Variants in PARD3 observed in about 807,000 individuals in gnomAD.
The protein encoded by PARD3 is partitioning defective 3 homolog.
Under a neutral mutation model 155.4 loss-of-function variants are expected in PARD3, and 75 were observed. That is an observed-to-expected ratio of 0.48 (90% CI 0.40 to 0.58). The LOEUF is 0.58. Among genes scored for constraint, PARD3 ranks in the 20% least tolerant of loss-of-function variants. The pLI is 0.00. For synonymous variants in PARD3, 576 were observed against 610.5 expected, an observed-to-expected ratio of 0.94 and a Z score of 0.83; for missense variants, 1,642 against 1,721.7, an observed-to-expected ratio of 0.95 and a Z score of 0.82.
At chr10:34,552,646 G>T (rs17601328) in intron 2 of PARD3, among the ~76,000 whole-genome samples, 1 of 152,016 alleles carries the variant, frequency 6.6e-6, no homozygotes, top group African/African-American at 2.4e-5. Context: ...CCCAGGAAGC[G>T]GAGGTTACAG....
rs748059893 is a variant in PARD3 at position 34,450,453 on chromosome 10, T to C, written c.583-5A>G. 4.4e-6 allele frequency: 7 copies of C among 1,601,754 alleles called. No individual in the cohort carries two copies. Among genetic ancestry groups the C allele is most frequent in the African/African-American group, 1.3e-5 (1 of 74,126 alleles). ...GCTTCTGTAGTTTTCATCTTTCTAT[T>C]CAAAAAGAAACAAAAAGGTGTCTTG... On this transcript the variant is annotated splice_polypyrimidine_tract_variant and splice_region_variant and intron_variant, in intron 4 of 24. Coordinates refer to ENST00000374788, the MANE Select transcript of PARD3 (RefSeq NM_001184785.2).
chr10:34,166,506 T>C (rs1245016705), intron 22 of PARD3, among the ~76,000 whole-genome samples: 1 of 151,916 alleles, frequency 6.6e-6, no homozygotes, highest in Non-Finnish European at 1.5e-5. Context: ...TAGTCCCAAC[T>C]ACTCAGGAGG....
intron 19 of PARD3, among the ~76,000 whole-genome samples, chr10:34,327,147 G>A (rs776489902): frequency 7.9e-5 from 12 of 152,142 alleles, no homozygotes; most frequent in Non-Finnish European, 1.3e-4. Context: ...AGGAGAAGTC[G>A]CTTGCTGAGA....
chr10:34,360,635 A>C (rs1839353190), intron 12 of PARD3, among the ~76,000 whole-genome samples: 1 of 152,186 alleles, frequency 6.6e-6, no homozygotes, highest in African/African-American at 2.4e-5. Flanking sequence ...AATAAATATA[A>C]TTCATTTATC....
chr10:34,684,723 T>G (rs1345593244), intron 2 of PARD3, among the ~76,000 whole-genome samples: 18 of 151,132 alleles, frequency 1.2e-4, no homozygotes, highest in Admixed American at 1.1e-3. Flanking sequence ...CCTGATCACT[T>G]AACACCTGCT....
intron 23 of PARD3, 42 bp from the exon 24 acceptor site, chr10:34,119,782 C>G: frequency 6.5e-7 from 1 of 1,541,786 alleles, no homozygotes; most frequent in Non-Finnish European, 8.8e-7. Flanking sequence ...CCAGAAAGTT[C>G]TGTACAGATC....
chr10:34,332,564 C>T (rs1835728707), intron 18 of PARD3, among the ~76,000 whole-genome samples: 1 of 152,054 alleles, frequency 6.6e-6, no homozygotes, highest in South Asian at 2.1e-4. Flanking sequence ...ATTAAAATTA[C>T]ACTGAAAGAC....
At chr10:34,633,680 C>T (rs946339071) in intron 2 of PARD3, among the ~76,000 whole-genome samples, 6 of 152,204 alleles carry the variant, frequency 3.9e-5, no homozygotes, top group Non-Finnish European at 1.5e-5. Context: ...TCAAATCTTT[C>T]AGGTAAACAC....
intron 7 of PARD3, among the ~76,000 whole-genome samples, chr10:34,394,479 G>C (rs1304231184): frequency 6.6e-6 from 1 of 152,082 alleles, no homozygotes; most frequent in Admixed American, 6.5e-5. Flanking sequence ...GTGTATGCCA[G>C]CACACTCGGC....
At chr10:34,584,232 A>T (rs1354744640) in intron 2 of PARD3, among the ~76,000 whole-genome samples, 1 of 152,150 alleles carries the variant, frequency 6.6e-6, no homozygotes, top group Non-Finnish European at 1.5e-5. Flanking sequence ...CTCTTTGTCC[A>T]TGTAGACCTA....
chr10:34,601,975 C>T (rs531421843), intron 2 of PARD3, among the ~76,000 whole-genome samples: 6 of 152,172 alleles, frequency 3.9e-5, no homozygotes, highest in African/African-American at 1.4e-4. Flanking sequence ...ATCTGTAAGA[C>T]GTTTCCTAAT....
chr10:34,755,884 C>T (rs1836649980), intron 1 of PARD3, among the ~76,000 whole-genome samples: 1 of 152,106 alleles, frequency 6.6e-6, no homozygotes, highest in Non-Finnish European at 1.5e-5. Flanking sequence ...GCTGTGCTTA[C>T]CTGCTTCAAA....
chr10:34,251,100 T>C (rs930632349), intron 22 of PARD3, among the ~76,000 whole-genome samples: 1 of 152,242 alleles, frequency 6.6e-6, no homozygotes, highest in Non-Finnish European at 1.5e-5. Context: ...CGCTTCCTAA[T>C]TACAGAAATT....
At chr10:34,122,949 A>T (rs1588846103) in intron 23 of PARD3, among the ~76,000 whole-genome samples, 1 of 152,362 alleles carries the variant, frequency 6.6e-6, no homozygotes, top group East Asian at 1.9e-4. Context: ...CCTCACAGAG[A>T]AGTGTATGTT....
chr10:34,809,791 C>G (rs749876026), intron 1 of PARD3, among the ~76,000 whole-genome samples: 2 of 152,052 alleles, frequency 1.3e-5, no homozygotes, highest in Non-Finnish European at 2.9e-5. Flanking sequence ...TTTCTTTTTC[C>G]TTTTTAGAGG....
chr10:34,690,634 T>C (rs1283637641), intron 2 of PARD3, among the ~76,000 whole-genome samples: 3 of 152,162 alleles, frequency 2.0e-5, no homozygotes, highest in Non-Finnish European at 2.9e-5. Flanking sequence ...TTCCAAGCCA[T>C]GCACCAGGGC....
Position 34,520,150 on chromosome 10 carries a change from T to C in PARD3, c.223-2991A>G, listed in dbSNP as rs116385680. On this transcript the variant is annotated intron_variant, in intron 2 of 24. Transcript: ENST00000374788. ...TACAGTCCTCATTTTATAAATGGCT[T>C]TGTCGTTTGGAACAAATGCTATTTC... Among the ~76,000 whole-genome samples, 1,189 of 152,326 alleles carry C rather than the reference T, an allele frequency of 7.8e-3. 17 individuals are homozygous for C. Among genetic ancestry groups the C allele is most frequent in the African/African-American group, 0.028 (1,146 of 41,566 alleles).
chr10:34,655,626 C>T (rs2133095381), intron 2 of PARD3, among the ~76,000 whole-genome samples: 1 of 152,258 alleles, frequency 6.6e-6, no homozygotes, highest in South Asian at 2.1e-4. Context: ...GGGCAGAATG[C>T]AGAGGAGAGT....
chr10:34,313,491 ATAAACAGAAGAGT>A (rs1453955007), intron 20 of PARD3, among the ~76,000 whole-genome samples: 2 of 152,210 alleles, frequency 1.3e-5, no homozygotes, highest in African/African-American at 2.4e-5. Flanking sequence ...TCCATAATTT[ATAAACAGAAGAGT>A]GATTCATATG....
Sources: allele counts gnomAD v4.1 joint callset (sites outside exome capture counted in the v4.1 genomes callset), GRCh38; gene constraint gnomAD v4.1.1; transcripts MANE v1.5; gene names NCBI Gene and HGNC (gene_info 2026-07-23, HGNC 2026-07-21).